SDK1: variants seen among roughly 807,000 people sequenced by gnomAD.
The protein encoded by SDK1 is sidekick cell adhesion molecule 1, also known as protein sidekick-1.
A neutral mutation model predicts 245.5 loss-of-function variants in SDK1; 157 were observed. The ratio of observed to expected loss-of-function variants is 0.64; its 90% CI spans 0.56 to 0.73. The LOEUF is 0.73. Among genes scored for constraint, SDK1 ranks in the 30% least tolerant of loss-of-function variants. SDK1 has a pLI of 0.00. For missense variants in SDK1, 3,583 were observed against 3,002.3 expected (o/e 1.19, Z -4.52); for synonymous variants, 1,647 against 1,278.5 (o/e 1.29, Z -6.15).
intron 1 of SDK1, among the ~76,000 whole-genome samples, chr7:3,368,158 G>T (rs1781137684): frequency 6.6e-6 from 1 of 152,148 alleles, no homozygotes; most frequent in Non-Finnish European, 1.5e-5. Flanking sequence ...CTGTGAATAA[G>T]GAAATCTGAA....
chr7:3,646,469 T>C (rs1333757123), intron 4 of SDK1, among the ~76,000 whole-genome samples: 1 of 152,194 alleles, frequency 6.6e-6, no homozygotes, highest in Non-Finnish European at 1.5e-5. Context: ...AATTGCCTTC[T>C]GAGGCAGGTA....
chr7:3,507,202 C>T (rs1467147037), intron 1 of SDK1, among the ~76,000 whole-genome samples: 3 of 152,164 alleles, frequency 2.0e-5, no homozygotes, highest in South Asian at 2.1e-4. Flanking sequence ...AGCATTTACC[C>T]AGCTTAGTTC....
At chr7:4,251,390 A>G (rs189287850) in intron 44 of SDK1, among the ~76,000 whole-genome samples, 44 of 152,338 alleles carry the variant, frequency 2.9e-4, no homozygotes, top group African/African-American at 9.4e-4. Context: ...TCACGCTTCT[A>G]AGAGTCTTCT....
At chr7:3,819,997 T>C (rs1347379874) in intron 4 of SDK1, among the ~76,000 whole-genome samples, 1 of 152,186 alleles carries the variant, frequency 6.6e-6, no homozygotes, top group Non-Finnish European at 1.5e-5. Context: ...AGTACCACAA[T>C]TGTGGTGGGT....
chr7:3,485,549 A>G (rs1254860117), intron 1 of SDK1, among the ~76,000 whole-genome samples: 1 of 151,976 alleles, frequency 6.6e-6, no homozygotes, highest in Non-Finnish European at 1.5e-5. Context: ...CTACCCCTTT[A>G]AATGCATCTT....
chr7:3,590,105 A>G (rs1428992907), intron 1 of SDK1, among the ~76,000 whole-genome samples: 1 of 152,184 alleles, frequency 6.6e-6, no homozygotes, highest in East Asian at 1.9e-4. Context: ...ACTATTACAG[A>G]CTTATAAAAT....
intron 43 of SDK1, among the ~76,000 whole-genome samples, chr7:4,242,839 C>G (rs1043902889): frequency 9.9e-5 from 15 of 152,214 alleles, no homozygotes; most frequent in African/African-American, 3.6e-4. Context: ...GGGCCGCCCC[C>G]GCCCTCCACT....
intron 1 of SDK1, among the ~76,000 whole-genome samples, chr7:3,348,889 G>A (rs778758372): frequency 2.0e-5 from 3 of 152,146 alleles, no homozygotes; most frequent in Non-Finnish European, 4.4e-5. Flanking sequence ...GCAAGTTCCA[G>A]TCTTAAGATG....
intron 31 of SDK1, among the ~76,000 whole-genome samples, chr7:4,161,421 A>G (rs1268160054): frequency 1.3e-5 from 2 of 152,220 alleles, no homozygotes; most frequent in African/African-American, 4.8e-5. Context: ...ATCTTAAAAA[A>G]AAGAGAAAAA....
chr7:3,936,483 G>C (rs1244540171), intron 5 of SDK1, among the ~76,000 whole-genome samples: 1 of 151,884 alleles, frequency 6.6e-6, no homozygotes, highest in Non-Finnish European at 1.5e-5. Flanking sequence ...TACTCGGGAG[G>C]CTGAGGCAGG....
intron 1 of SDK1, among the ~76,000 whole-genome samples, chr7:3,454,375 T>G (rs1780608958): frequency 1.3e-5 from 2 of 148,524 alleles, no homozygotes; most frequent in South Asian, 4.3e-4. Flanking sequence ...GATTTTTTCG[T>G]GTTCCCCAAG....
At chr7:3,732,709 A>G (rs1265858036) in intron 4 of SDK1, among the ~76,000 whole-genome samples, 4 of 152,242 alleles carry the variant, frequency 2.6e-5, no homozygotes, top group African/African-American at 9.6e-5. Context: ...ACATTTAATG[A>G]AATATAATTT....
intron 1 of SDK1, among the ~76,000 whole-genome samples, chr7:3,492,735 T>G (rs1717459271): frequency 6.6e-6 from 1 of 152,170 alleles, no homozygotes; most frequent in African/African-American, 2.4e-5. Context: ...GTTAAGTTTG[T>G]AATTATTGAA....
intron 1 of SDK1, among the ~76,000 whole-genome samples, chr7:3,510,664 C>G (rs1782549392): frequency 6.6e-6 from 1 of 152,038 alleles, no homozygotes; most frequent in Non-Finnish European, 1.5e-5. Flanking sequence ...GGAGGCTTGG[C>G]TAGCAAAGGT....
chr7:3,561,077 C>T (rs906887574), intron 1 of SDK1, among the ~76,000 whole-genome samples: 16 of 152,126 alleles, frequency 1.1e-4, no homozygotes, highest in African/African-American at 2.4e-4. Flanking sequence ...TCCTTCCCTT[C>T]CCCCTTCCCC....
chr7:4,255,474 C>T (rs1234343675), intron 44 of SDK1, among the ~76,000 whole-genome samples: 1 of 152,190 alleles, frequency 6.6e-6, no homozygotes, highest in Non-Finnish European at 1.5e-5. Context: ...GGGCCTGCTC[C>T]TCCCAGCGTG....
At chr7:4,158,338 T>C in intron 30 of SDK1, 110 bp from the exon 31 acceptor site, 1 of 816,668 alleles carries the variant, frequency 1.2e-6, no homozygotes, top group East Asian at 2.6e-5. Context: ...AGCCCAGAGC[T>C]CTCAGGGCAG....
chr7:4,190,754 G>A (rs1278444548), intron 35 of SDK1, among the ~76,000 whole-genome samples: 4 of 152,350 alleles, frequency 2.6e-5, no homozygotes, highest in Admixed American at 2.0e-4. Flanking sequence ...TGCAGCATAC[G>A]CTATCCCGGG....
At chr7:3,748,994 C>G (rs189666435) in intron 4 of SDK1, among the ~76,000 whole-genome samples, 1 of 152,154 alleles carries the variant, frequency 6.6e-6, no homozygotes, top group Non-Finnish European at 1.5e-5. Flanking sequence ...AACCAACCAA[C>G]CAACCCAACT....
Sources: gnomAD v4.1 joint callset for allele counts (sites outside exome capture counted in the v4.1 genomes callset) on GRCh38, gnomAD v4.1.1 for gene constraint, MANE v1.5 for transcripts, NCBI Gene and HGNC (gene_info 2026-07-23, HGNC 2026-07-21) for gene names.